Variants in WIPF1 observed in about 807,000 individuals in gnomAD.
The protein encoded by WIPF1 is WAS/WASL-interacting protein family member 1.
WIPF1 carries 13 observed loss-of-function variants against 35.4 expected under a neutral mutation model. That is an observed-to-expected ratio of 0.37 (90% CI 0.24 to 0.58). The LOEUF (loss-of-function observed/expected upper bound fraction) is 0.58, where lower values mean the gene tolerates loss of function less well. WIPF1 is among the 20% of genes least tolerant of loss of function. The pLI is 0.74. For missense variants in WIPF1, 591 were observed against 667.0 expected, an observed-to-expected ratio of 0.89 and a Z score of 1.25; for synonymous variants, 267 against 266.3, an observed-to-expected ratio of 1.00 and a Z score of -0.02.
chr2:174,667,077 T>C (rs1160460930), intron 1 of WIPF1, among the ~76,000 whole-genome samples: 1 of 152,256 alleles, frequency 6.6e-6, no homozygotes, highest in East Asian at 1.9e-4. Context: ...TTTTAGCTTC[T>C]GCTCCTCTAA....
intron 1 of WIPF1, 77 bp from the exon 2 acceptor site, chr2:174,585,688 CAA>C (rs1685393853): frequency 9.7e-7 from 1 of 1,032,810 alleles, no homozygotes; most frequent in African/African-American, 1.6e-5. Context: ...ACTTTCCCAC[CAA>C]AGTGACAGCT....
rs181623588 is a variant in WIPF1, at chr2:174,656,470, G to T, written c.-39+26304C>A. Reference sequence around the variant, plus strand: ...CAAGAAAATAGCAACAGAACTAACAGGAAATAGAGGAACTCATACCACCAG... The same window carrying T: ...CAAGAAAATAGCAACAGAACTAACATGAAATAGAGGAACTCATACCACCAG... On this transcript the variant is annotated intron_variant, in intron 1 of 8. Transcript: ENST00000272746. 1.2e-3 allele frequency among the ~76,000 whole-genome samples: 180 copies of T among 152,218 alleles called. 1 individual carries two copies. The highest frequency in any genetic ancestry group is 4.0e-3 in the African/African-American group (168 of 41,512).
intron 1 of WIPF1, among the ~76,000 whole-genome samples, chr2:174,634,116 T>G (rs944156726): frequency 1.3e-5 from 2 of 152,186 alleles, no homozygotes; most frequent in African/African-American, 4.8e-5. Context: ...TTATGCACAG[T>G]ATTTCTGTAT....
At chr2:174,641,510 G>C (rs1050294367) in intron 1 of WIPF1, among the ~76,000 whole-genome samples, 5 of 152,208 alleles carry the variant, frequency 3.3e-5, no homozygotes, top group African/African-American at 1.2e-4. Context: ...ATGAACCGCT[G>C]TTATTTTGGG....
At chr2:174,617,270 T>C (rs1686534731) in intron 1 of WIPF1, among the ~76,000 whole-genome samples, 1 of 152,198 alleles carries the variant, frequency 6.6e-6, no homozygotes, top group African/African-American at 2.4e-5. Context: ...CTGCAGCTCA[T>C]GAAACCCAGC....
intron 3 of WIPF1, among the ~76,000 whole-genome samples, chr2:174,577,929 A>G (rs10182449): frequency 5.3e-5 from 8 of 151,220 alleles, no homozygotes; most frequent in South Asian, 2.1e-4. Flanking sequence ...AAAAAAAAAA[A>G]GGGGGATAAA....
chr2:174,575,186 C>T lies in WIPF1; in HGVS notation c.358+18G>A. 1 of 1,594,352 alleles carries T rather than the reference C, an allele frequency of 6.3e-7. No homozygotes were observed. The highest frequency in any genetic ancestry group is 8.6e-7 in the Non-Finnish European group (1 of 1,167,414). ...TGCCTTGTCTTCAGTCACTCAGAGA[C>T]AGGGAAACTCTCCTTACCATTATCC... On this transcript the variant is annotated intron_variant, in intron 4 of 7. Coordinates refer to ENST00000679041, the MANE Select transcript of WIPF1 (RefSeq NM_001375834.1).
rs1684502837 is a variant in WIPF1, at chr2:174,562,208, C to T, written c.*339G>A. ...CAGCTCTCAGGGACTTTAATAATTA[C>T]AGTCTGTAACAAATAAGCAGTGAAT... On this transcript the variant is annotated 3_prime_UTR_variant, in exon 8 of 8. Transcript: ENST00000679041. The T allele has an allele frequency of 1.3e-6, 2 of 1,549,726 alleles. No homozygotes were observed. The highest frequency in any genetic ancestry group is 2.7e-5 in the African/African-American group (2 of 73,020).
intron 1 of WIPF1, among the ~76,000 whole-genome samples, chr2:174,661,189 A>C (rs1464578157): frequency 6.6e-6 from 1 of 152,222 alleles, no homozygotes; most frequent in Non-Finnish European, 1.5e-5. Context: ...GACCTGCCTG[A>C]GGGGCAGCCT....
intron 1 of WIPF1, among the ~76,000 whole-genome samples, chr2:174,586,696 G>A (rs1035160886): frequency 1.3e-5 from 2 of 152,126 alleles, no homozygotes; most frequent in African/African-American, 4.8e-5. Flanking sequence ...CTCACCCACT[G>A]TTCTCATCCC....
intron 7 of WIPF1, among the ~76,000 whole-genome samples, chr2:174,563,429 G>T (rs949841298): frequency 6.6e-6 from 1 of 152,076 alleles, no homozygotes; most frequent in Non-Finnish European, 1.5e-5. Context: ...CGGGCATGTT[G>T]GTGTGCGCCT....
intron 1 of WIPF1, among the ~76,000 whole-genome samples, chr2:174,638,560 T>C (rs1687232255): frequency 1.3e-5 from 2 of 152,224 alleles, no homozygotes; most frequent in South Asian, 4.1e-4. Context: ...CCCTCCCCAA[T>C]CTCTAGTAAC....
intron 1 of WIPF1, among the ~76,000 whole-genome samples, chr2:174,609,929 C>T (rs1159014557): frequency 6.6e-6 from 1 of 152,180 alleles, no homozygotes; most frequent in African/African-American, 2.4e-5. Context: ...ATCACAGAGG[C>T]GTGGGTGATT....
chr2:174,602,633 G>A (rs1452342604), upstream of WIPF1, among the ~76,000 whole-genome samples: 10 of 152,166 alleles, frequency 6.6e-5, no homozygotes, highest in Non-Finnish European at 1.5e-4. Context: ...ATTTAAAAGA[G>A]CAGAAACAAA....
chr2:174,585,930 G>A (rs1465310677), intron 1 of WIPF1, among the ~76,000 whole-genome samples: 1 of 152,192 alleles, frequency 6.6e-6, no homozygotes, highest in African/African-American at 2.4e-5. Context: ...CTGCTAGGAT[G>A]TATCCTGGCC....
At chr2:174,665,194 G>C (rs999224387) in intron 1 of WIPF1, 4 of 152,090 alleles carry the variant, frequency 2.6e-5, no homozygotes, top group Non-Finnish European at 4.4e-5. Context: ...AGAATGAAGG[G>C]GCCTCAGGTT....
Position 174,572,010 on chromosome 2 carries a change from AG to A in WIPF1, c.794del (p.Pro265LeufsTer105). On this transcript the variant is annotated frameshift_variant, in exon 5 of 8. Coordinates refer to ENST00000679041, the MANE Select transcript of WIPF1 (RefSeq NM_001375834.1). LOFTEE classifies it high-confidence loss of function. Reference protein sequence around the residue: ...TPSRALDDKPPPPPPPVGNRP... With the variant: ...TPSRALDDKPXPPPPPVGNRP... ...TGTTGCCCACTGGAGGAGGTGGTGG[AG>A]GGGGTTTGTCATCCAAGGCCCTGCT... The A allele has an allele frequency of 1.3e-6, 2 of 1,544,052 alleles. No individual in the cohort carries two copies. Among genetic ancestry groups the A allele is most frequent in the Non-Finnish European group, 1.7e-6 (2 of 1,148,892 alleles).
At chr2:174,611,404 T>C (rs1193668882) in intron 1 of WIPF1, among the ~76,000 whole-genome samples, 2 of 152,180 alleles carry the variant, frequency 1.3e-5, no homozygotes, top group Non-Finnish European at 2.9e-5. Flanking sequence ...AACTTGATGA[T>C]ATATTGCTAG....
At chr2:174,586,258 T>C (rs924259510) in intron 1 of WIPF1, among the ~76,000 whole-genome samples, 2 of 152,250 alleles carry the variant, frequency 1.3e-5, no homozygotes, top group South Asian at 2.1e-4. Context: ...ATCTCTGTGC[T>C]CCTTAGCATT....
Sources: gnomAD v4.1 joint callset for allele counts (sites outside exome capture counted in the v4.1 genomes callset) on GRCh38, gnomAD v4.1.1 for gene constraint, MANE v1.5 for transcripts, NCBI Gene and HGNC (gene_info 2026-07-23, HGNC 2026-07-21) for gene names.